The following EPB41L4B variants were observed in gnomAD, a reference collection of about 807,000 sequenced individuals.
EPB41L4B encodes erythrocyte membrane protein band 4.1 like 4B, also known as band 4.1-like protein 4B.
EPB41L4B carries 30 observed loss-of-function variants against 112.5 expected under a neutral mutation model. The ratio of observed to expected loss-of-function variants is 0.27; its 90% CI spans 0.20 to 0.36. EPB41L4B has a LOEUF of 0.36. Among genes scored for constraint, EPB41L4B ranks in the 10% least tolerant of loss-of-function variants. The pLI is 1.00. For missense variants in EPB41L4B, 1,024 were observed against 1,133.3 expected, an observed-to-expected ratio of 0.90 and a Z score of 1.38; for synonymous variants, 408 against 439.7, an observed-to-expected ratio of 0.93 and a Z score of 0.90.
intron 15 of EPB41L4B, among the ~76,000 whole-genome samples, chr9:109,237,935 A>C (rs1336430616): frequency 6.6e-6 from 1 of 151,950 alleles, no homozygotes; most frequent in African/African-American, 2.4e-5. Flanking sequence ...TCTGGTTAGC[A>C]ATTAGATTTC....
chr9:109,201,318 C>T (rs576126573), intron 19 of EPB41L4B, among the ~76,000 whole-genome samples: 71 of 151,770 alleles, frequency 4.7e-4, no homozygotes, highest in East Asian at 4.7e-3. Flanking sequence ...GGTATGGTGG[C>T]GCATGTTTGT....
intron 13 of EPB41L4B, 53 bp from the exon 14 acceptor site, chr9:109,247,842 A>G: frequency 7.6e-7 from 1 of 1,312,436 alleles, no homozygotes; most frequent in African/African-American, 1.5e-5. Flanking sequence ...TAGGTTGTAG[A>G]GTGGCATTAT....
Position 109,174,466 on chromosome 9 carries a change from A to G in EPB41L4B, c.*88T>C, listed in dbSNP as rs554495314. 8.0e-7 allele frequency: 1 copy of G among 1,252,870 alleles called. No individual in the cohort carries two copies. Among genetic ancestry groups the G allele is most frequent in the South Asian group, 1.2e-5 (1 of 83,094 alleles). 77.6% of individuals were successfully genotyped at this position (1,252,870 alleles called of 1,614,324 possible). Reference sequence around the variant, plus strand: ...CTGGGCGAACAGAGCACACACTTGTATGCTGTGCTAGAGTGAGCACACAAA... The same window carrying G: ...CTGGGCGAACAGAGCACACACTTGTGTGCTGTGCTAGAGTGAGCACACAAA... On this transcript the variant is annotated 3_prime_UTR_variant, in exon 26 of 26. Transcript: ENST00000374566.
chr9:109,266,779 C>G (rs375690579), intron 4 of EPB41L4B, among the ~76,000 whole-genome samples: 1 of 152,100 alleles, frequency 6.6e-6, no homozygotes, highest in South Asian at 2.1e-4. Flanking sequence ...ACCAGCCTGG[C>G]TAACACAGCG....
intron 25 of EPB41L4B, among the ~76,000 whole-genome samples, chr9:109,176,220 T>C (rs1191771975): frequency 6.6e-6 from 1 of 151,992 alleles, no homozygotes; most frequent in Non-Finnish European, 1.5e-5. Context: ...CTCCACCTAC[T>C]GGGTTCAAGT....
At chr9:109,317,931 G>A (rs532087485) in intron 1 of EPB41L4B, among the ~76,000 whole-genome samples, 4 of 152,332 alleles carry the variant, frequency 2.6e-5, no homozygotes, top group East Asian at 1.9e-4. Flanking sequence ...GGAGCTGGCC[G>A]CCTGGCGTTA....
chr9:109,300,717 T>A (rs1221798857), intron 1 of EPB41L4B: 1 of 151,954 alleles, frequency 6.6e-6, no homozygotes. Context: ...ACCCCGGAGA[T>A]GGACATTGCT....
intron 15 of EPB41L4B, among the ~76,000 whole-genome samples, chr9:109,232,976 G>A (rs1362455024): frequency 6.6e-6 from 1 of 152,162 alleles, no homozygotes; most frequent in Non-Finnish European, 1.5e-5. Context: ...TACAGACAGT[G>A]TCCATTATTC....
intron 20 of EPB41L4B, among the ~76,000 whole-genome samples, chr9:109,194,839 C>A (rs1832587741): frequency 6.6e-6 from 1 of 152,124 alleles, no homozygotes; most frequent in Admixed American, 6.5e-5. Context: ...CACTTTCTGT[C>A]CCAATGAATT....
intron 14 of EPB41L4B, among the ~76,000 whole-genome samples, chr9:109,244,393 GAAGA>G (rs1834466101): frequency 6.7e-6 from 1 of 148,542 alleles, no homozygotes; most frequent in African/African-American, 2.5e-5. Context: ...GGAAGGGAAG[GAAGA>G]AAGAGAAAGA....
intron 15 of EPB41L4B, among the ~76,000 whole-genome samples, chr9:109,235,795 G>A (rs969731273): frequency 3.9e-5 from 6 of 152,108 alleles, no homozygotes; most frequent in Admixed American, 2.0e-4. Flanking sequence ...ATCAAACACT[G>A]CGCAAAACAT....
At chr9:109,278,164 T>G (rs1349179551) in intron 2 of EPB41L4B, among the ~76,000 whole-genome samples, 2 of 152,014 alleles carry the variant, frequency 1.3e-5, no homozygotes, top group Non-Finnish European at 2.9e-5. Flanking sequence ...AGAGGAAAAG[T>G]TGTTCTGCCC....
rs763385674 is a variant in EPB41L4B at position 109,192,317 on chromosome 9, C to T, written c.2262G>A (p.Pro754=). Residue 754 remains proline (P), a synonymous_variant, in exon 22 of 26, where the codon CCG becomes CCA. Transcript: ENST00000374566. ...CTGTGAAATCCATCAGAAGATCACC[C>T]GGCTCCAGGGTAAAGGCACCTCCTC... is the stretch of plus-strand genomic sequence containing the variant. ...SDRGGAFTLE[P]GDLLMDFTEA... 13 of 1,612,190 alleles carry T rather than the reference C, an allele frequency of 8.1e-6. No homozygotes were observed. The highest frequency in any genetic ancestry group is 4.0e-5 in the African/African-American group (3 of 74,926).
chr9:109,314,637 C>A (rs10979821), intron 1 of EPB41L4B, among the ~76,000 whole-genome samples: 22,831 of 128,482 alleles, frequency 0.18, 2,258 homozygotes, highest in Non-Finnish European at 0.21. Flanking sequence ...CTCTCTCACC[C>A]CCCCCCACCT....
chr9:109,193,032 C>T (rs544259334), intron 21 of EPB41L4B, among the ~76,000 whole-genome samples: 9 of 152,254 alleles, frequency 5.9e-5, no homozygotes, highest in African/African-American at 1.9e-4. Flanking sequence ...TGGTTTTAAC[C>T]ACAGTGTGGG....
chr9:109,213,373 G>A (rs187583177), intron 17 of EPB41L4B, among the ~76,000 whole-genome samples: 47 of 152,318 alleles, frequency 3.1e-4, no homozygotes, highest in African/African-American at 1.1e-3. Context: ...ATTGTCAGAG[G>A]GAGATAGAGG....
At chr9:109,201,908 C>A (rs992598115) in intron 19 of EPB41L4B, among the ~76,000 whole-genome samples, 5 of 151,978 alleles carry the variant, frequency 3.3e-5, no homozygotes, top group Non-Finnish European at 2.9e-5. Flanking sequence ...ATTTACATTA[C>A]AGAAAGGTCC....
At chr9:109,312,913 T>G (rs1837471444) in intron 1 of EPB41L4B, among the ~76,000 whole-genome samples, 1 of 152,024 alleles carries the variant, frequency 6.6e-6, no homozygotes, top group African/African-American at 2.4e-5. Flanking sequence ...TACACATCCT[T>G]TGGGGCAATT....
chr9:109,217,187 C>A (rs747400858), intron 15 of EPB41L4B, 42 bp from the exon 16 acceptor site: 1 of 1,577,632 alleles, frequency 6.3e-7, no homozygotes, highest in Non-Finnish European at 8.7e-7. Flanking sequence ...AAGCAGAATG[C>A]CTTGCAAGCC....
Sources: allele counts gnomAD v4.1 joint callset (sites outside exome capture counted in the v4.1 genomes callset), GRCh38; gene constraint gnomAD v4.1.1; transcripts MANE v1.5; gene names NCBI Gene and HGNC (gene_info 2026-07-23, HGNC 2026-07-21).